PLPP4: variants seen among roughly 807,000 people sequenced by gnomAD.
The protein encoded by PLPP4 is diacylglycerol pyrophosphate like 2.
A neutral mutation model predicts 32.2 loss-of-function variants in PLPP4; 20 were observed. The ratio of observed to expected loss-of-function variants is 0.62; its 90% CI spans 0.44 to 0.90. The LOEUF (loss-of-function observed/expected upper bound fraction) is 0.90, where lower values mean the gene tolerates loss of function less well. Among genes scored for constraint, PLPP4 ranks in the 40% least tolerant of loss-of-function variants. The pLI, the probability that PLPP4 is intolerant of heterozygous loss-of-function variation, is 0.00. For missense variants in PLPP4, 257 were observed against 353.1 expected, an observed-to-expected ratio of 0.73 and a Z score of 2.18; for synonymous variants, 127 against 133.0, an observed-to-expected ratio of 0.95 and a Z score of 0.31.
intron 5 of PLPP4, among the ~76,000 whole-genome samples, chr10:120,565,377 T>A (rs1848649253): frequency 1.3e-5 from 2 of 151,894 alleles, no homozygotes; most frequent in Non-Finnish European, 2.9e-5. Flanking sequence ...ATGCTCTGTG[T>A]TTTTGAATTT....
At chr10:120,527,158 T>G (rs1009001633) in intron 5 of PLPP4, among the ~76,000 whole-genome samples, 4 of 152,194 alleles carry the variant, frequency 2.6e-5, no homozygotes, top group African/African-American at 9.7e-5. Context: ...ATCTTAGCAA[T>G]CAATCAATTG....
intron 5 of PLPP4, among the ~76,000 whole-genome samples, chr10:120,538,050 C>CTGTGTGTGTGTGTGTGTGTG (rs1564825186): frequency 5.1e-5 from 1 of 19,778 alleles, no homozygotes; most frequent in Non-Finnish European, 9.3e-5. Context: ...CTCTCTCTCT[C>CTGTGTGTGTGTGTGTGTGTG]TCTGTGTGTG....
rs914731207 is a variant in PLPP4 at position 120,511,966 on chromosome 10, C to T, written c.166-1945C>T. On this transcript the variant is annotated intron_variant, in intron 2 of 6. Coordinates refer to ENST00000398250, the MANE Select transcript of PLPP4 (RefSeq NM_001030059.3). Reference sequence around the variant, plus strand: ...AAACTTAGCCGGGCGTGGTGGCGGGCGCCTGTAGTCCCAGCTATTTGGGAG... The same window carrying T: ...AAACTTAGCCGGGCGTGGTGGCGGGTGCCTGTAGTCCCAGCTATTTGGGAG... Among the ~76,000 whole-genome samples the T allele has an allele frequency of 3.9e-5, 6 of 152,100 alleles. No individual in the cohort carries two copies. The South Asian group carries it at 8.3e-4, about 21-fold the overall frequency.
At chr10:120,582,751 T>TTCCC (rs1259598767) in intron 6 of PLPP4, among the ~76,000 whole-genome samples, 1 of 97,190 alleles carries the variant, frequency 1.0e-5, no homozygotes, top group Non-Finnish European at 2.0e-5. Flanking sequence ...ACTGTAAATA[T>TTCCC]TCCCTCCCTC....
chr10:120,558,411 C>CTTTT (rs35962206), intron 5 of PLPP4, among the ~76,000 whole-genome samples: 5 of 135,980 alleles, frequency 3.7e-5, no homozygotes, highest in Admixed American at 7.5e-5. Flanking sequence ...TTCTTTCTTT[C>CTTTT]TTTTTTTTTT....
At chr10:120,554,538 C>A (rs939080017) in intron 5 of PLPP4, among the ~76,000 whole-genome samples, 3 of 152,178 alleles carry the variant, frequency 2.0e-5, no homozygotes. Flanking sequence ...CAATGCCCCA[C>A]TTCTCTGGTA....
chr10:120,526,374 A>C (rs933521260), intron 5 of PLPP4, among the ~76,000 whole-genome samples: 2 of 152,054 alleles, frequency 1.3e-5, no homozygotes, highest in African/African-American at 4.8e-5. Flanking sequence ...TGAGTCATAA[A>C]GCTAATTGGG....
chr10:120,566,729 A>G (rs1848709785), intron 5 of PLPP4, among the ~76,000 whole-genome samples: 1 of 151,932 alleles, frequency 6.6e-6, no homozygotes, highest in Non-Finnish European at 1.5e-5. Context: ...TAATTTTTGT[A>G]TTTTTAGTAG....
intron 6 of PLPP4, among the ~76,000 whole-genome samples, chr10:120,577,837 T>G (rs970252986): frequency 1.3e-5 from 2 of 152,222 alleles, no homozygotes; most frequent in African/African-American, 4.8e-5. Flanking sequence ...TAAAGGGCTC[T>G]GAGTCAGGCT....
At chr10:120,528,050 T>G (rs1846486735) in intron 5 of PLPP4, among the ~76,000 whole-genome samples, 1 of 151,276 alleles carries the variant, frequency 6.6e-6, no homozygotes, top group Non-Finnish European at 1.5e-5. Flanking sequence ...GATGGGAAAT[T>G]TGAAAAATAC....
At chr10:120,486,775 G>A (rs4595466) in intron 1 of PLPP4, among the ~76,000 whole-genome samples, 51,110 of 152,062 alleles carry the variant, frequency 0.34, 8,839 homozygotes, top group Admixed American at 0.4. Flanking sequence ...CTCTCTTGGG[G>A]ACTGGTAACA....
At chr10:120,564,467 A>T (rs959500354) in intron 5 of PLPP4, among the ~76,000 whole-genome samples, 10 of 152,038 alleles carry the variant, frequency 6.6e-5, no homozygotes, top group Admixed American at 4.6e-4. Flanking sequence ...TTATATGTCT[A>T]TTAGAACAAG....
At chr10:120,478,958 G>A (rs1844059470) in intron 1 of PLPP4, among the ~76,000 whole-genome samples, 1 of 152,222 alleles carries the variant, frequency 6.6e-6, no homozygotes, top group South Asian at 2.1e-4. Context: ...TGGGCGCAGT[G>A]GCTCACGCCT....
intron 2 of PLPP4, among the ~76,000 whole-genome samples, chr10:120,510,872 G>A (rs2133884304): frequency 6.6e-6 from 1 of 152,300 alleles, no homozygotes; most frequent in Middle Eastern, 3.4e-3. Context: ...TCCAGGAGAA[G>A]AATGAGACAC....
At chr10:120,521,599 C>T (rs1426733182) in intron 5 of PLPP4, among the ~76,000 whole-genome samples, 1 of 152,116 alleles carries the variant, frequency 6.6e-6, no homozygotes, top group Non-Finnish European at 1.5e-5. Flanking sequence ...AAAACAAAGA[C>T]TTAATACTGT....
chr10:120,566,690 G>A (rs191922353), intron 5 of PLPP4, among the ~76,000 whole-genome samples: 3 of 152,158 alleles, frequency 2.0e-5, no homozygotes, highest in African/African-American at 4.8e-5. Flanking sequence ...GAGTAGCTAG[G>A]ATTACAGGTG....
At chr10:120,554,418 T>C (rs759178836) in intron 5 of PLPP4, among the ~76,000 whole-genome samples, 4 of 150,334 alleles carry the variant, frequency 2.7e-5, no homozygotes, top group Non-Finnish European at 5.9e-5. Flanking sequence ...TCTAGGAAGT[T>C]CCAAACTCTC....
intron 1 of PLPP4, among the ~76,000 whole-genome samples, chr10:120,466,728 C>T (rs181186934): frequency 0.051 from 7,737 of 150,346 alleles, 264 homozygotes; most frequent in Middle Eastern, 0.14. Context: ...ATTTTAGAGA[C>T]GCACCTGAGC....
intron 5 of PLPP4, among the ~76,000 whole-genome samples, chr10:120,548,370 G>A (rs549385661): frequency 3.4e-4 from 51 of 152,150 alleles, no homozygotes; most frequent in African/African-American, 1.2e-3. Context: ...TAGGATAAAG[G>A]TCTCCACCTC....
Sources: gnomAD v4.1 joint callset for allele counts (sites outside exome capture counted in the v4.1 genomes callset) on GRCh38, gnomAD v4.1.1 for gene constraint, MANE v1.5 for transcripts, NCBI Gene and HGNC (gene_info 2026-07-23, HGNC 2026-07-21) for gene names.